The following EXD3 variants were observed in gnomAD, a reference collection of about 807,000 sequenced individuals.
EXD3 encodes the protein exonuclease 3'-5' domain containing 3, also known as exonuclease mut-7 homolog.
Under a neutral mutation model 98.0 loss-of-function variants are expected in EXD3, and 92 were observed. That is an observed-to-expected ratio of 0.94 (90% confidence interval 0.79 to 1.12). The LOEUF (loss-of-function observed/expected upper bound fraction) is 1.12, where lower values mean the gene tolerates loss of function less well. Among genes scored for constraint, EXD3 ranks in the 50% most tolerant of loss-of-function variants. EXD3 has a pLI of 0.00. For missense variants in EXD3, 1,222 were observed against 1,191.6 expected (o/e 1.03, Z -0.38); for synonymous variants, 569 against 526.0 (o/e 1.08, Z -1.12).
At chr9:137,379,501 G>A (rs111310330) in intron 3 of EXD3, among the ~76,000 whole-genome samples, 5 of 145,792 alleles carry the variant, frequency 3.4e-5, no homozygotes, top group African/African-American at 5.1e-5. Flanking sequence ...GACGGTGACC[G>A]TTGCCTGGGG....
At chr9:137,354,823 C>T (rs533467798) in intron 8 of EXD3, 50 bp from the exon 9 acceptor site, 76 of 1,559,060 alleles carry the variant, frequency 4.9e-5, no homozygotes, top group Middle Eastern at 2.2e-4. Context: ...AGCCTCACCA[C>T]GGCCTCCTTC....
chr9:137,420,076 C>A (rs537817373), intron 1 of EXD3, among the ~76,000 whole-genome samples: 1 of 152,014 alleles, frequency 6.6e-6, no homozygotes, highest in East Asian at 1.9e-4. Context: ...TGGTGAATGG[C>A]GTGAACCCGG....
intron 3 of EXD3, among the ~76,000 whole-genome samples, chr9:137,382,039 GGGA>G (rs1261159534): frequency 2.5e-5 from 3 of 120,310 alleles, no homozygotes; most frequent in African/African-American, 7.2e-5. Context: ...TGAGGGCGCG[GGGA>G]GGAGGTGAGG....
intron 1 of EXD3, among the ~76,000 whole-genome samples, chr9:137,416,389 A>AC: frequency 6.6e-6 from 1 of 151,972 alleles, no homozygotes; most frequent in East Asian, 1.9e-4. Flanking sequence ...CAGGCCGGGC[A>AC]CCCCCAGGTC....
chr9:137,390,330 G>A (rs550392439), intron 2 of EXD3, among the ~76,000 whole-genome samples: 13 of 150,900 alleles, frequency 8.6e-5, no homozygotes, highest in Non-Finnish European at 1.5e-4. Flanking sequence ...TACTCGGGAG[G>A]CTGAGGCAGG....
rs1377929933 is a variant in EXD3, at chr9:137,354,220, T to C, written c.870+119A>G. Reference sequence around the variant, plus strand: ...ACACGCCCCAACATGGGGTCTGGGCTCAGCAGCCCCAGCGAAGGCCTCAGC... The same window carrying C: ...ACACGCCCCAACATGGGGTCTGGGCCCAGCAGCCCCAGCGAAGGCCTCAGC... On this transcript the variant is annotated intron_variant, in intron 10 of 21. Coordinates refer to ENST00000340951, the MANE Select transcript of EXD3 (RefSeq NM_017820.5). 4 of 1,498,884 alleles carry C rather than the reference T, an allele frequency of 2.7e-6. No homozygotes were observed. The Admixed American group carries it at 8.0e-5, about 30-fold the overall frequency. 92.8% of individuals were successfully genotyped at this position (1,498,884 alleles called of 1,614,324 possible).
In EXD3 at chr9:137,395,052, C is replaced by T. The variant is rs546759395; in HGVS notation, c.55+251G>A. 3.3e-5 allele frequency among the ~76,000 whole-genome samples: 5 copies of T among 152,208 alleles called. No homozygotes were observed. The highest frequency in any genetic ancestry group is 1.9e-4 in the East Asian group (1 of 5,146). On this transcript the variant is annotated intron_variant, in intron 2 of 21. Coordinates refer to ENST00000340951, the MANE Select transcript of EXD3 (RefSeq NM_017820.5). This position sits in a 1 kb window ranked among gnomAD's most constrained non-coding sequence, Gnocchi z 6.5. ...CCTCCCCCGGATCCTGTCACAGGCC[C>T]GGCGCCAGGCCACCCACGCTGGGGC...
intron 20 of EXD3, 147 bp from the exon 21 acceptor site, chr9:137,307,793 G>T: frequency 1.1e-6 from 1 of 881,668 alleles, no homozygotes; most frequent in Non-Finnish European, 1.7e-6. Flanking sequence ...TCGCAGACGG[G>T]CAGAGGGCAG....
At chr9:137,368,549 G>A (rs1441991362) in intron 5 of EXD3, among the ~76,000 whole-genome samples, 1 of 152,194 alleles carries the variant, frequency 6.6e-6, no homozygotes, top group Non-Finnish European at 1.5e-5. Context: ...GGCCCTGACC[G>A]CCTGCACGTA....
Position 137,317,344 on chromosome 9 carries a change from CT to C in EXD3, c.2184+6380del, listed in dbSNP as rs571430445. 3.1e-4 allele frequency among the ~76,000 whole-genome samples: 47 copies of C among 152,302 alleles called. 1 individual carries two copies. In the Middle Eastern group the frequency reaches 0.01, roughly 33 times the overall value. ...TGGCCGGTCCCTCCTGCGTGCACCC[CT>C]GGCACCCCGAGGACAGCCTGCCCAT... is the stretch of plus-strand genomic sequence containing the variant. On this transcript the variant is annotated intron_variant, in intron 19 of 21. Transcript: ENST00000340951.
chr9:137,345,071 C>T (rs1272318699), intron 17 of EXD3, among the ~76,000 whole-genome samples: 4 of 152,280 alleles, frequency 2.6e-5, no homozygotes, highest in Admixed American at 2.6e-4. Flanking sequence ...AGCAGAACAC[C>T]CAGGTTCACC....
At chr9:137,413,494 C>T (rs940145056) in intron 1 of EXD3, among the ~76,000 whole-genome samples, 1 of 150,982 alleles carries the variant, frequency 6.6e-6, no homozygotes, top group African/African-American at 2.4e-5. Flanking sequence ...GCCACCGCGC[C>T]TGGCCTAGCT....
At chr9:137,357,138 A>G (rs1834833876) in intron 7 of EXD3, 1 of 152,200 alleles carries the variant, frequency 6.6e-6, no homozygotes, top group African/African-American at 2.4e-5. Context: ...TGCCCCTCTG[A>G]TGTGGCCTGC....
chr9:137,385,411 T>G lies in EXD3; in HGVS notation c.56-2034A>C, dbSNP rs58530671. On this transcript the variant is annotated intron_variant, in intron 2 of 21. Coordinates refer to ENST00000340951, the MANE Select transcript of EXD3 (RefSeq NM_017820.5). The surrounding 1 kb of genome is among the most constrained non-coding windows in gnomAD (Gnocchi z 4.4). The stretch of plus-strand genomic sequence containing the variant: ...GGCATGGCTGGCGATGGGGCCAGGG[T>G]GGGCTGGGCGGGGCGTGCTGTGGTG... Among the ~76,000 whole-genome samples the G allele has an allele frequency of 0.027, 3,604 of 134,786 alleles. 134 individuals carry two copies. The highest frequency in any genetic ancestry group is 0.09 in the African/African-American group (3,400 of 37,636). 88.4% of individuals were successfully genotyped at this position (134,786 alleles called of 152,430 possible).
At chr9:137,367,856 C>T in intron 6 of EXD3, 80 bp downstream of exon 6, 3 of 1,412,760 alleles carry the variant, frequency 2.1e-6, no homozygotes, top group Non-Finnish European at 2.0e-6. Flanking sequence ...GGACTCCCGA[C>T]CTCCAACAAA....
At chr9:137,381,627 G>A (rs1308553649) in intron 3 of EXD3, among the ~76,000 whole-genome samples, 1 of 152,016 alleles carries the variant, frequency 6.6e-6, no homozygotes, top group Non-Finnish European at 1.5e-5. Flanking sequence ...TCACGTTAGA[G>A]GAACACCTAA....
Position 137,393,189 on chromosome 9 carries a change from T to G in EXD3, c.55+2114A>C. The G allele has an allele frequency of 1.4e-6, 1 of 702,630 alleles. No individual in the cohort carries two copies. The highest frequency in any genetic ancestry group is 2.4e-4 in the Middle Eastern group (1 of 4,220). 43.5% of individuals were successfully genotyped at this position (702,630 alleles called of 1,614,324 possible). A position where few individuals can be genotyped will look rare whatever the true frequency, so the allele number is the denominator to read the frequency against. ...GCTGGGGTGTTGCACTTTGAAAACA[T>G]CCCACTCTGCTTAGGTGGAGAAGAG... is the stretch of plus-strand genomic sequence containing the variant. On this transcript the variant is annotated intron_variant, in intron 2 of 21. Transcript: ENST00000340951. This position sits in a 1 kb window ranked among gnomAD's most constrained non-coding sequence, Gnocchi z 4.6.
chr9:137,370,791 C>CTTTTT (rs1158053438), intron 5 of EXD3, among the ~76,000 whole-genome samples: 1 of 130,008 alleles, frequency 7.7e-6, no homozygotes, highest in African/African-American at 2.8e-5. Flanking sequence ...CCAAGAGGGC[C>CTTTTT]TTTTTTTTTT....
At chr9:137,333,478 T>C (rs1163226585) in intron 17 of EXD3, among the ~76,000 whole-genome samples, 2 of 152,192 alleles carry the variant, frequency 1.3e-5, no homozygotes, top group Non-Finnish European at 2.9e-5. Flanking sequence ...AATTTGAATG[T>C]GTCCCCGCCC....
Sources: allele counts gnomAD v4.1 joint callset (sites outside exome capture counted in the v4.1 genomes callset), GRCh38; gene constraint gnomAD v4.1.1; non-coding constraint Gnocchi (gnomAD v3.1); transcripts MANE v1.5; gene names NCBI Gene and HGNC (gene_info 2026-07-23, HGNC 2026-07-21).